LAMA3: variants seen among roughly 807,000 people sequenced by gnomAD.
The protein encoded by LAMA3 is laminin subunit alpha 3, also known as laminin subunit alpha-3.
In LAMA3, 281 loss-of-function variants were observed where a neutral mutation model predicts 402.0. The observed-to-expected ratio is 0.70, with a 90% CI of 0.63 to 0.77. The LOEUF is 0.77. Among genes scored for constraint, LAMA3 ranks in the 30% least tolerant of loss-of-function variants. The pLI, the probability that LAMA3 is intolerant of heterozygous loss-of-function variation, is 0.00. For synonymous variants in LAMA3, 1,431 were observed against 1,558.4 expected (o/e 0.92, Z 1.93); for missense variants, 3,840 against 4,215.5 (o/e 0.91, Z 2.47).
chr18:23,884,504 G>A (rs572947486), intron 40 of LAMA3, among the ~76,000 whole-genome samples: 1 of 152,186 alleles, frequency 6.6e-6, no homozygotes, highest in Non-Finnish European at 1.5e-5. Context: ...GAGTTACTCT[G>A]CTCTGTCTTA....
In LAMA3 at chr18:23,690,872, A is replaced by T. The variant is rs12604333; in HGVS notation, c.294+895A>T. Reference sequence around the variant, plus strand: ...GCTCACTGCAACCTCAGGCCTGGCAATTATTTATTTATTTATTTATTTATT... The same window carrying T: ...GCTCACTGCAACCTCAGGCCTGGCATTTATTTATTTATTTATTTATTTATT... On this transcript the variant is annotated intron_variant, in intron 1 of 74. Coordinates refer to ENST00000313654, the MANE Select transcript of LAMA3 (RefSeq NM_198129.4). 8.8e-5 allele frequency among the ~76,000 whole-genome samples: 12 copies of T among 136,994 alleles called. No homozygotes were observed. In the East Asian group the frequency reaches 1.5e-3, roughly 17 times the overall value. 89.9% of individuals were successfully genotyped at this position (136,994 alleles called of 152,430 possible).
At chr18:23,828,193 C>T (rs1303159614) in intron 23 of LAMA3, among the ~76,000 whole-genome samples, 3 of 152,104 alleles carry the variant, frequency 2.0e-5, no homozygotes, top group African/African-American at 7.2e-5. Context: ...GGAAAATATT[C>T]ATTTGGGGGA....
chr18:23,921,919 G>T (rs1053060584), intron 62 of LAMA3, among the ~76,000 whole-genome samples: 6 of 152,204 alleles, frequency 3.9e-5, no homozygotes, highest in African/African-American at 1.4e-4. Context: ...GCATAGGAGA[G>T]CGTGGGCCTC....
intron 73 of LAMA3, among the ~76,000 whole-genome samples, chr18:23,952,474 A>G (rs1264510083): frequency 2.0e-5 from 3 of 152,248 alleles, no homozygotes; most frequent in Non-Finnish European, 4.4e-5. Flanking sequence ...ATTGGCTAAA[A>G]TACCTTTTGT....
chr18:23,733,822 G>A (rs1353330513), intron 2 of LAMA3, among the ~76,000 whole-genome samples: 1 of 152,066 alleles, frequency 6.6e-6, no homozygotes, highest in Non-Finnish European at 1.5e-5. Context: ...TCATGACCAG[G>A]GCTACCTGAT....
Position 23,871,476 on chromosome 18 carries a change from G to T in LAMA3, c.4813G>T (p.Glu1605Ter), listed in dbSNP as rs2064517253. The T allele has an allele frequency of 6.2e-7, 1 of 1,613,876 alleles. No homozygotes were observed. Among genetic ancestry groups the T allele is most frequent in the Non-Finnish European group, 8.5e-7 (1 of 1,179,970 alleles). The stretch of plus-strand genomic sequence containing the variant: ...CAGCCGTGCCCCAGTGTCTAGGGAG[G>T]AGCTGATGACAGTGCTGTCTAGACT... ...ASSRAPVSRE[E>*]LMTVLSRLAD... is the part of the protein sequence containing the mutation. The change falls in exon 38 of 75, where the codon GAG becomes TAG. Residue 1605 changes from glutamate (E) to a stop codon, truncating the protein, a stop_gained. Coordinates refer to ENST00000313654, the MANE Select transcript of LAMA3 (RefSeq NM_198129.4). LOFTEE classifies it high-confidence loss of function.
chr18:23,828,796 G>C lies in LAMA3; in HGVS notation c.2823+1329G>C, dbSNP rs540437702. Among the ~76,000 whole-genome samples the C allele has an allele frequency of 1.3e-4, 20 of 152,272 alleles. No homozygotes were observed. The South Asian group carries it at 2.9e-3, about 22-fold the overall frequency. On this transcript the variant is annotated intron_variant, in intron 23 of 74. Coordinates refer to ENST00000313654, the MANE Select transcript of LAMA3 (RefSeq NM_198129.4). ...CTATCTCTGGTCTAGAAATTATCCAGCTTATTGATTCAGTTTAATTTATAC... is the reference window on the plus strand; with the variant it reads ...CTATCTCTGGTCTAGAAATTATCCACCTTATTGATTCAGTTTAATTTATAC...
intron 60 of LAMA3, among the ~76,000 whole-genome samples, chr18:23,920,278 G>A (rs902898106): frequency 6.6e-6 from 1 of 152,192 alleles, no homozygotes; most frequent in Non-Finnish European, 1.5e-5. Context: ...AGGTCTCTGT[G>A]AGTCATGCAA....
Position 23,949,912 on chromosome 18 carries a change from C to T in LAMA3, c.9499C>T (p.His3167Tyr). The T allele has an allele frequency of 6.2e-7, 1 of 1,614,028 alleles. No individual in the cohort carries two copies. The highest frequency in any genetic ancestry group is 1.3e-5 in the African/African-American group (1 of 74,962). ...KGIYFSEEGG[H>Y]VVLAHSVLLG... ...CATTTATTTCTCTGAAGAAGGAGGT[C>T]ATGTCGTCTTGGGTAAGGAGCAGTT... Residue 3167 changes from histidine to tyrosine, a missense_variant, in exon 71 of 75, where the codon CAT becomes TAT. This residue lies in a region of LAMA3 where 840 missense variants were observed against 981.9 expected (regional missense o/e 0.86). Coordinates refer to ENST00000313654, the MANE Select transcript of LAMA3 (RefSeq NM_198129.4).
chr18:23,882,185 A>T, intron 40 of LAMA3, 140 bp downstream of exon 40: 1 of 699,416 alleles, frequency 1.4e-6, no homozygotes, highest in Non-Finnish European at 2.6e-6. Flanking sequence ...GGATGAAAAC[A>T]TTTTCAAATT....
intron 55 of LAMA3, among the ~76,000 whole-genome samples, chr18:23,910,533 G>A (rs939724807): frequency 6.6e-6 from 1 of 152,210 alleles, no homozygotes; most frequent in African/African-American, 2.4e-5. Flanking sequence ...CTGCTCTCCA[G>A]CCACTGCAGG....
chr18:23,749,885 A>G (rs2061714007), intron 4 of LAMA3, among the ~76,000 whole-genome samples: 1 of 152,084 alleles, frequency 6.6e-6, no homozygotes, highest in South Asian at 2.1e-4. Flanking sequence ...ATCCCATGAT[A>G]CCCCGTAAGA....
Position 23,842,706 on chromosome 18 carries a change from G to A in LAMA3, c.3559G>A (p.Val1187Met). The change falls in exon 29 of 75, where the codon GTG (valine) becomes ATG (methionine). Residue 1187 changes from valine to methionine, a missense_variant. By Grantham distance (21) the Val-to-Met change is conservative. Around this residue, in one of 3 missense-constraint regions of LAMA3, gnomAD observed 2,109 missense variants for 2,376.0 expected, o/e 0.89. Coordinates refer to ENST00000313654, the MANE Select transcript of LAMA3 (RefSeq NM_198129.4). ...QIEFDISEPE[V>M]AATVKVPEGK... ...TGAGTTTGACATCTCAGAGCCTGAA[G>A]TGGCCGCAACTGTGAAGGTTCCAGA... The A allele has an allele frequency of 1.2e-6, 2 of 1,614,238 alleles. No homozygotes were observed. Among genetic ancestry groups the A allele is most frequent in the South Asian group, 2.2e-5 (2 of 91,088 alleles).
intron 8 of LAMA3, among the ~76,000 whole-genome samples, chr18:23,765,616 T>C (rs1237347745): frequency 6.6e-6 from 1 of 152,092 alleles, no homozygotes; most frequent in African/African-American, 2.4e-5. Context: ...GAAAAGACAA[T>C]CAATAGGGAC....
In LAMA3 at chr18:23,881,962, G is replaced by C; in HGVS notation, c.5139G>C (p.Glu1713Asp). The C allele has an allele frequency of 6.2e-7, 1 of 1,613,978 alleles. No homozygotes were observed. The highest frequency in any genetic ancestry group is 8.5e-7 in the Non-Finnish European group (1 of 1,179,882). Reference protein sequence around the residue: ...CVNCQHNTAGEHCERCQEGYY... With the variant: ...CVNCQHNTAGDHCERCQEGYY... Reference sequence around the variant, plus strand: ...ACTGTCAGCACAACACCGCGGGAGAGCACTGTGAACGCTGCCAGGAGGGCT... The same window carrying C: ...ACTGTCAGCACAACACCGCGGGAGACCACTGTGAACGCTGCCAGGAGGGCT... The change falls in exon 40 of 75, where the codon GAG becomes GAC. Residue 1713 changes from glutamate (E) to aspartate (D), a missense_variant. Glu to Asp is a conservative substitution (Grantham distance 45, BLOSUM62 2). Coordinates refer to ENST00000313654, the MANE Select transcript of LAMA3 (RefSeq NM_198129.4).
At position 23,836,998 on chromosome 18, in the gene LAMA3, C is replaced by T. The variant is rs201043541; in HGVS notation, c.3002C>T (p.Ala1001Val). 1.2e-3 allele frequency: 1,897 copies of T among 1,613,612 alleles called. 40 individuals carry two copies. In the South Asian group the frequency reaches 0.019, roughly 17 times the overall value. ...SCNYSVLCRS[A>V]VIDHMSRIAM... ...TCTTGCAGTGTTCTCTGCCGGAGTGCTGTGATTGATCACATGAGCCGCATC... is the reference window on the plus strand; with the variant it reads ...TCTTGCAGTGTTCTCTGCCGGAGTGTTGTGATTGATCACATGAGCCGCATC... The change falls in exon 25 of 75, where the codon GCT becomes GTT. Residue 1001 changes from alanine (A) to valine (V), a missense_variant. By Grantham distance (64) the Ala-to-Val change is moderately conservative. Coordinates refer to ENST00000313654, the MANE Select transcript of LAMA3 (RefSeq NM_198129.4).
intron 60 of LAMA3, among the ~76,000 whole-genome samples, chr18:23,917,477 C>A (rs190972860): frequency 6.6e-6 from 1 of 152,178 alleles, no homozygotes; most frequent in African/African-American, 2.4e-5. Context: ...TTTACATTCC[C>A]GCCAGCAGTG....
chr18:23,848,361 A>G (rs1356629444), intron 32 of LAMA3, among the ~76,000 whole-genome samples: 1 of 152,206 alleles, frequency 6.6e-6, no homozygotes, highest in Non-Finnish European at 1.5e-5. Flanking sequence ...CAGAGGCTGC[A>G]TTGGAATGTG....
rs1446731129 is a variant in LAMA3, at chr18:23,948,652, C to G, written c.9352-1113C>G. 2.6e-5 allele frequency among the ~76,000 whole-genome samples: 4 copies of G among 152,038 alleles called. No individual in the cohort carries two copies. In the East Asian group the frequency reaches 7.7e-4, roughly 29 times the overall value. On this transcript the variant is annotated intron_variant, in intron 70 of 74. Transcript: ENST00000313654. Reference sequence around the variant, plus strand: ...TAGTACGATCTCGGCTCACTGCAACCTCCGCCTCCTGAGTTCAAACGATTC... The same window carrying G: ...TAGTACGATCTCGGCTCACTGCAACGTCCGCCTCCTGAGTTCAAACGATTC...
Sources: allele counts gnomAD v4.1 joint callset (sites outside exome capture counted in the v4.1 genomes callset), GRCh38; gene constraint gnomAD v4.1.1; regional missense constraint gnomAD v4.1.1; transcripts MANE v1.5; gene names NCBI Gene and HGNC (gene_info 2026-07-23, HGNC 2026-07-21).